DLG2: variants seen among roughly 807,000 people sequenced by gnomAD.
DLG2 encodes the protein disks large homolog 2.
Under a neutral mutation model 132.5 loss-of-function variants are expected in DLG2, and 45 were observed. The observed-to-expected ratio is 0.34, with a 90% CI of 0.27 to 0.44. The LOEUF (loss-of-function observed/expected upper bound fraction) is 0.44, where lower values mean the gene tolerates loss of function less well. Ranked by LOEUF, DLG2 falls within the 20% of genes least tolerant of loss-of-function variation. The probability of loss-of-function intolerance (pLI) is 1.00; values close to 1 mark genes in which losing one functional copy is unlikely to be tolerated. For missense variants in DLG2, 1,045 were observed against 1,196.9 expected, an observed-to-expected ratio of 0.87 and a Z score of 1.87; for synonymous variants, 424 against 419.6, an observed-to-expected ratio of 1.01 and a Z score of -0.13.
At chr11:83,665,722 C>T (rs1252673872) in intron 18 of DLG2, among the ~76,000 whole-genome samples, 2 of 152,164 alleles carry the variant, frequency 1.3e-5, no homozygotes, top group African/African-American at 2.4e-5. Context: ...AGACGTGCCC[C>T]TTGTCAACCA....
At chr11:85,079,021 TA>T (rs200348790) in intron 6 of DLG2, among the ~76,000 whole-genome samples, 286 of 126,096 alleles carry the variant, frequency 2.3e-3, no homozygotes, top group East Asian at 0.017. Context: ...TTATGTGTTT[TA>T]GGGGGGGGGT....
At chr11:85,543,188 C>T (rs1424618802) in intron 3 of DLG2, among the ~76,000 whole-genome samples, 2 of 152,130 alleles carry the variant, frequency 1.3e-5, no homozygotes, top group East Asian at 3.9e-4. Flanking sequence ...TCCCTGTGCC[C>T]ATTTGTTCTC....
chr11:84,572,952 T>G (rs1592669353), intron 6 of DLG2, among the ~76,000 whole-genome samples: 1 of 152,280 alleles, frequency 6.6e-6, no homozygotes, highest in Non-Finnish European at 1.5e-5. Flanking sequence ...TCATAATTAA[T>G]GAAGTTCTTT....
intron 6 of DLG2, among the ~76,000 whole-genome samples, chr11:85,051,904 T>G (rs2062936717): frequency 6.6e-6 from 1 of 152,184 alleles, no homozygotes; most frequent in African/African-American, 2.4e-5. Flanking sequence ...TGATAAGTCA[T>G]GCTTTTTGAG....
At chr11:84,582,812 G>C (rs570170429) in intron 6 of DLG2, among the ~76,000 whole-genome samples, 1 of 152,236 alleles carries the variant, frequency 6.6e-6, no homozygotes, top group East Asian at 1.9e-4. Context: ...TGAACAAAAA[G>C]AGTCTTGAAT....
chr11:83,608,814 G>C (rs1041779244), intron 19 of DLG2, among the ~76,000 whole-genome samples: 1 of 152,012 alleles, frequency 6.6e-6, no homozygotes, highest in Non-Finnish European at 1.5e-5. Flanking sequence ...AAGCAGAGTT[G>C]ATTATGCTAT....
intron 6 of DLG2, among the ~76,000 whole-genome samples, chr11:84,848,811 A>T (rs1281686466): frequency 6.6e-6 from 1 of 152,170 alleles, no homozygotes; most frequent in Non-Finnish European, 1.5e-5. Context: ...CCAGAAGTCC[A>T]ACTGTGTTAG....
chr11:84,002,082 C>G (rs898984609), intron 11 of DLG2, among the ~76,000 whole-genome samples: 5 of 151,854 alleles, frequency 3.3e-5, no homozygotes, highest in Non-Finnish European at 7.4e-5. Flanking sequence ...TAGAACTAAA[C>G]AAAATAGGTT....
chr11:85,399,635 C>A (rs1420032272), intron 3 of DLG2, among the ~76,000 whole-genome samples: 3 of 152,094 alleles, frequency 2.0e-5, no homozygotes, highest in Non-Finnish European at 4.4e-5. Flanking sequence ...CACATATCTA[C>A]AACGATCTGA....
At chr11:84,774,432 A>G (rs1399740375) in intron 6 of DLG2, among the ~76,000 whole-genome samples, 1 of 151,860 alleles carries the variant, frequency 6.6e-6, no homozygotes, top group East Asian at 1.9e-4. Flanking sequence ...TCCCAGAATT[A>G]AAAAAAGACT....
intron 26 of DLG2, among the ~76,000 whole-genome samples, chr11:83,466,302 T>C (rs930195835): frequency 1.3e-5 from 2 of 152,128 alleles, no homozygotes; most frequent in Non-Finnish European, 2.9e-5. Flanking sequence ...CTCAGAAGTA[T>C]GAGACAATTA....
At chr11:83,580,181 G>T (rs1042052580) in intron 19 of DLG2, among the ~76,000 whole-genome samples, 13 of 152,016 alleles carry the variant, frequency 8.6e-5, no homozygotes, top group African/African-American at 3.1e-4. Flanking sequence ...ATTACTAATA[G>T]AAATATTTGC....
chr11:85,507,523 A>G (rs1207015620), intron 3 of DLG2, among the ~76,000 whole-genome samples: 1 of 152,176 alleles, frequency 6.6e-6, no homozygotes, highest in Non-Finnish European at 1.5e-5. Flanking sequence ...TTCTTTAAGA[A>G]AGTTGAATAT....
chr11:84,548,326 A>T (rs2099394504), intron 6 of DLG2, among the ~76,000 whole-genome samples: 1 of 151,988 alleles, frequency 6.6e-6, no homozygotes, highest in African/African-American at 2.4e-5. Context: ...ACATGTGCAC[A>T]ACGTGCAGGT....
At chr11:83,531,370 T>C (rs1218206990) in intron 21 of DLG2, among the ~76,000 whole-genome samples, 1 of 151,900 alleles carries the variant, frequency 6.6e-6, no homozygotes, top group African/African-American at 2.4e-5. Context: ...TTTCTCCAAA[T>C]AATATATACA....
At chr11:84,510,122 TTA>T (rs1491243932) in intron 7 of DLG2, among the ~76,000 whole-genome samples, 1 of 150,296 alleles carries the variant, frequency 6.7e-6, no homozygotes, top group Non-Finnish European at 1.5e-5. Flanking sequence ...ATTATTATTA[TTA>T]TGTTAATCAG....
chr11:85,151,031 T>C (rs1326763008), intron 5 of DLG2, among the ~76,000 whole-genome samples: 5 of 152,176 alleles, frequency 3.3e-5, no homozygotes, highest in Admixed American at 2.6e-4. Flanking sequence ...TATCAACACA[T>C]TATTTTCTGT....
intron 6 of DLG2, among the ~76,000 whole-genome samples, chr11:84,967,835 G>T (rs1249329693): frequency 1.3e-5 from 2 of 151,896 alleles, no homozygotes; most frequent in Non-Finnish European, 2.9e-5. Flanking sequence ...AACCTTTGTT[G>T]TTTCAGTAAA....
intron 3 of DLG2, among the ~76,000 whole-genome samples, chr11:85,419,396 T>C (rs532786149): frequency 2.8e-4 from 43 of 152,354 alleles, no homozygotes; most frequent in African/African-American, 8.9e-4. Flanking sequence ...CTGTCGATTA[T>C]GTGTCTTGGG....
Sources: gnomAD v4.1 joint callset for allele counts (sites outside exome capture counted in the v4.1 genomes callset) on GRCh38, gnomAD v4.1.1 for gene constraint, MANE v1.5 for transcripts, NCBI Gene and HGNC (gene_info 2026-07-23, HGNC 2026-07-21) for gene names.